The following DDC variants were observed in gnomAD, a reference collection of about 807,000 sequenced individuals.
DDC encodes the protein dopa decarboxylase.
Under a neutral mutation model 60.0 loss-of-function variants are expected in DDC, and 43 were observed. The observed-to-expected ratio is 0.72, with a 90% CI of 0.56 to 0.92. DDC has a LOEUF of 0.92. DDC is among the 40% of genes least tolerant of loss of function. The pLI is 0.00. For missense variants in DDC, 573 were observed against 620.2 expected (o/e 0.92, Z 0.81); for synonymous variants, 232 against 234.6 (o/e 0.99, Z 0.10).
At chr7:50,561,911 G>T (rs1483398179) in intron 1 of DDC, among the ~76,000 whole-genome samples, 3 of 151,542 alleles carry the variant, frequency 2.0e-5, no homozygotes, top group African/African-American at 4.9e-5. Flanking sequence ...AAGCATACAT[G>T]CATGCATGTT....
intron 4 of DDC, among the ~76,000 whole-genome samples, chr7:50,532,888 G>C (rs1348322015): frequency 2.0e-5 from 3 of 152,336 alleles, no homozygotes; most frequent in Non-Finnish European, 4.4e-5. Context: ...GAGCATGAAT[G>C]TTAAACATGA....
intron 6 of DDC, among the ~76,000 whole-genome samples, chr7:50,523,069 C>A (rs1425166069): frequency 6.6e-6 from 1 of 152,136 alleles, no homozygotes; most frequent in African/African-American, 2.4e-5. Context: ...CACATGGATT[C>A]GGGTTGGGAC....
intron 11 of DDC, among the ~76,000 whole-genome samples, chr7:50,471,719 A>G (rs2042537096): frequency 6.6e-6 from 1 of 152,186 alleles, no homozygotes; most frequent in African/African-American, 2.4e-5. Context: ...CCTGAGCCGA[A>G]CCTGCACACA....
intron 1 of DDC, among the ~76,000 whole-genome samples, chr7:50,549,710 A>G (rs1162526884): frequency 6.6e-6 from 1 of 152,172 alleles, no homozygotes; most frequent in African/African-American, 2.4e-5. Flanking sequence ...CACAATATCA[A>G]CATTAACAGG....
Position 50,507,447 on chromosome 7 carries a change from G to C in DDC, c.715-3388C>G, listed in dbSNP as rs559749976. 5.1e-4 allele frequency among the ~76,000 whole-genome samples: 77 copies of C among 152,272 alleles called. 1 individual carries two copies. In the South Asian group the frequency reaches 0.016, roughly 31 times the overall value. ...GGGTTTCACCATGTTGGCTAGGCTG[G>C]TCTCTAACTTCTGACCTCAGGTGAT... On this transcript the variant is annotated intron_variant, in intron 6 of 14. Coordinates refer to ENST00000444124, the MANE Select transcript of DDC (RefSeq NM_001082971.2).
At chr7:50,461,582 G>T (rs78052702) in intron 14 of DDC, among the ~76,000 whole-genome samples, 1 of 152,292 alleles carries the variant, frequency 6.6e-6, no homozygotes, top group South Asian at 2.1e-4. Context: ...TCTTCTGGGC[G>T]TATGTCAATA....
At chr7:50,509,016 C>G (rs1362223280) in intron 6 of DDC, among the ~76,000 whole-genome samples, 1 of 152,182 alleles carries the variant, frequency 6.6e-6, no homozygotes, top group Non-Finnish European at 1.5e-5. Context: ...CAGCAACAGG[C>G]TTTCCAAATC....
At chr7:50,537,741 T>A in intron 4 of DDC, 119 bp downstream of exon 4, 1 of 1,334,412 alleles carries the variant, frequency 7.5e-7, no homozygotes, top group Non-Finnish European at 1.1e-6. Flanking sequence ...TTTTGTTTAT[T>A]CTCCAGGAGA....
chr7:50,544,559 A>G (rs1298055892), intron 1 of DDC, among the ~76,000 whole-genome samples: 2 of 152,274 alleles, frequency 1.3e-5, no homozygotes, highest in Non-Finnish European at 2.9e-5. Context: ...ACAGTCACAC[A>G]ATGCACACGA....
chr7:50,512,188 G>A lies in DDC; in HGVS notation c.715-8129C>T, dbSNP rs374928052. ...TCAAGATACAGATTAAAGGTATAGC[G>A]ATGTAGAAAAATATACCATGCTAAC... On this transcript the variant is annotated intron_variant, in intron 6 of 14. Transcript: ENST00000444124. Among the ~76,000 whole-genome samples the A allele has an allele frequency of 1.2e-4, 18 of 152,226 alleles. No individual in the cohort carries two copies. The East Asian group carries it at 1.5e-3, about 13-fold the overall frequency.
chr7:50,543,963 C>A lies in DDC; in HGVS notation c.123G>T (p.Leu41=). 6.2e-7 allele frequency: 1 copy of A among 1,614,170 alleles called. No individual in the cohort carries two copies. Among genetic ancestry groups the A allele is most frequent in the Non-Finnish European group, 8.5e-7 (1 of 1,180,040 alleles). The change falls in exon 2 of 15, where the codon CTG becomes CTT. Residue 41 remains leucine, a synonymous_variant. Coordinates refer to ENST00000444124, the MANE Select transcript of DDC (RefSeq NM_001082971.2). ...PDVEPGYLRP[L]IPAAAPQEPD... ...GCTCCTGAGGGGCAGCGGCAGGGATCAGCGGCCGCAGGTACCCGGGCTCCA... is the reference window on the plus strand; with the variant it reads ...GCTCCTGAGGGGCAGCGGCAGGGATAAGCGGCCGCAGGTACCCGGGCTCCA...
At chr7:50,514,692 A>G (rs2043680065) in intron 6 of DDC, among the ~76,000 whole-genome samples, 2 of 152,196 alleles carry the variant, frequency 1.3e-5, no homozygotes, top group South Asian at 2.1e-4. Flanking sequence ...AATGCTCTGG[A>G]AAGTCTCAGC....
chr7:50,512,007 T>A (rs1382962656), intron 6 of DDC, among the ~76,000 whole-genome samples: 2 of 151,656 alleles, frequency 1.3e-5, no homozygotes, highest in Non-Finnish European at 2.9e-5. Context: ...AAAAAACTTA[T>A]CCACAAAACC....
At chr7:50,516,700 G>T (rs574904382) in intron 6 of DDC, among the ~76,000 whole-genome samples, 1 of 152,142 alleles carries the variant, frequency 6.6e-6, no homozygotes, top group South Asian at 2.1e-4. Context: ...ACCAAGAAAA[G>T]AAGACAGAGA....
chr7:50,484,889 T>C (rs1366514965), intron 9 of DDC, among the ~76,000 whole-genome samples: 1 of 152,204 alleles, frequency 6.6e-6, no homozygotes, highest in Non-Finnish European at 1.5e-5. Context: ...CATGACCTCC[T>C]GGTCCCAATA....
intron 6 of DDC, among the ~76,000 whole-genome samples, chr7:50,507,301 G>A (rs184316970): frequency 5.9e-4 from 90 of 151,928 alleles, no homozygotes; most frequent in African/African-American, 2.0e-3. Flanking sequence ...GCAGTGGTGC[G>A]ATCTCAGCTC....
intron 7 of DDC, among the ~76,000 whole-genome samples, chr7:50,501,084 G>A (rs1463341930): frequency 6.6e-6 from 1 of 152,128 alleles, no homozygotes; most frequent in African/African-American, 2.4e-5. Context: ...ATGCACCAGG[G>A]GCACACCTAG....
chr7:50,480,810 G>A (rs1282870720), intron 9 of DDC, among the ~76,000 whole-genome samples: 2 of 152,168 alleles, frequency 1.3e-5, no homozygotes, highest in African/African-American at 4.8e-5. Context: ...AAGGGCTAAT[G>A]AGTGAGAAGG....
At chr7:50,556,546 G>A (rs184430337) in intron 1 of DDC, among the ~76,000 whole-genome samples, 1 of 152,230 alleles carries the variant, frequency 6.6e-6, no homozygotes, top group Non-Finnish European at 1.5e-5. Flanking sequence ...CTGTACCATG[G>A]CCATCATCCT....
Sources: allele counts gnomAD v4.1 joint callset (sites outside exome capture counted in the v4.1 genomes callset), GRCh38; gene constraint gnomAD v4.1.1; transcripts MANE v1.5; gene names NCBI Gene and HGNC (gene_info 2026-07-23, HGNC 2026-07-21).